ARHGAP31: variants seen among roughly 807,000 people sequenced by gnomAD.
ARHGAP31 encodes the protein rho GTPase-activating protein 31.
In ARHGAP31, 34 loss-of-function variants were observed where a neutral mutation model predicts 113.9. The ratio of observed to expected loss-of-function variants is 0.30; its 90% CI spans 0.23 to 0.40. The LOEUF is 0.40. ARHGAP31 is among the 10% of genes least tolerant of loss of function. The probability of loss-of-function intolerance (pLI) is 1.00; values close to 1 mark genes in which losing one functional copy is unlikely to be tolerated. For missense variants in ARHGAP31, 1,548 were observed against 1,767.1 expected (o/e 0.88, Z 2.22); for synonymous variants, 650 against 684.8 (o/e 0.95, Z 0.79).
At chr3:119,310,314 C>G (rs2079668266) in intron 1 of ARHGAP31, among the ~76,000 whole-genome samples, 1 of 152,218 alleles carries the variant, frequency 6.6e-6, no homozygotes, top group African/African-American at 2.4e-5. Context: ...ATTCTGTGGT[C>G]ACCCAGTGGT....
intron 1 of ARHGAP31, among the ~76,000 whole-genome samples, chr3:119,331,345 T>G (rs1394436878): frequency 2.0e-5 from 3 of 152,214 alleles, no homozygotes; most frequent in African/African-American, 7.2e-5. Context: ...TTCTTCTGTG[T>G]GTATGTAGAG....
At position 119,380,919 on chromosome 3, in the gene ARHGAP31, T is replaced by C; in HGVS notation, c.364T>C (p.Cys122Arg). The C allele has an allele frequency of 1.2e-6, 2 of 1,614,178 alleles. No individual in the cohort carries two copies. The highest frequency in any genetic ancestry group is 8.5e-7 in the Non-Finnish European group (1 of 1,180,000). Residue 122 changes from cysteine to arginine, a missense_variant, in exon 4 of 12, where the codon TGC becomes CGC. Cys to Arg is a radical substitution (Grantham distance 180, BLOSUM62 -3). Transcript: ENST00000264245. ...TTCTCCACAGGAGGCAGTGTCGCATTGCCCTGAAGAAGGCCAACTGGCCCG... is the reference window on the plus strand; with the variant it reads ...TTCTCCACAGGAGGCAGTGTCGCATCGCCCTGAAGAAGGCCAACTGGCCCG... ...YEKFTEAVSH[C>R]PEEGQLARIQ...
At chr3:119,382,460 A>C (rs2080410065) in intron 5 of ARHGAP31, 61 bp downstream of exon 5, 1 of 1,491,366 alleles carries the variant, frequency 6.7e-7, no homozygotes, top group South Asian at 1.2e-5. Flanking sequence ...CCCCGATTGA[A>C]ATGAAGATTG....
chr3:119,338,791 A>G (rs1251506855), intron 1 of ARHGAP31, among the ~76,000 whole-genome samples: 1 of 152,238 alleles, frequency 6.6e-6, no homozygotes, highest in African/African-American at 2.4e-5. Context: ...ACATAAATCC[A>G]TTCTGTAGAG....
rs528877088 is a variant in ARHGAP31, at chr3:119,349,045, C to T, written c.101-16271C>T. Reference sequence around the variant, plus strand: ...TTCAGGATAAAAGCTTGAATATCATCACCCCTTGCTGTTTTAACAAACCAC... The same window carrying T: ...TTCAGGATAAAAGCTTGAATATCATTACCCCTTGCTGTTTTAACAAACCAC... On this transcript the variant is annotated intron_variant, in intron 1 of 11. Transcript: ENST00000264245. Among the ~76,000 whole-genome samples the T allele has an allele frequency of 1.7e-4, 26 of 152,316 alleles. No homozygotes were observed. In the South Asian group the frequency reaches 4.8e-3, roughly 28 times the overall value.
At chr3:119,367,279 G>T (rs1193008207) in intron 2 of ARHGAP31, among the ~76,000 whole-genome samples, 1 of 152,052 alleles carries the variant, frequency 6.6e-6, no homozygotes, top group Non-Finnish European at 1.5e-5. Context: ...GTCACCAGTT[G>T]GATGACTAAG....
chr3:119,341,849 T>C (rs2080011188), intron 1 of ARHGAP31: 1 of 151,902 alleles, frequency 6.6e-6, no homozygotes, highest in Non-Finnish European at 1.5e-5. Context: ...TATGGAACGC[T>C]TCGTGAAATT....
In ARHGAP31 at chr3:119,383,201, T is replaced by C. The variant is rs1269149863; in HGVS notation, c.657T>C (p.Gly219=). The change falls in exon 6 of 12, where the codon GGT becomes GGC. Residue 219 remains glycine, a synonymous_variant. Transcript: ENST00000264245. ...LNHVDQIFNN[G]APGSLENDEN... ...ATGTAGATCAAATCTTTAACAACGG[T>C]GCACCTGGGTCTCTGGAGAATGATG... 6.2e-7 allele frequency: 1 copy of C among 1,614,168 alleles called. No individual in the cohort carries two copies. The highest frequency in any genetic ancestry group is 1.3e-5 in the African/African-American group (1 of 75,032).
At chr3:119,376,809 AAC>A (rs1467066956) in intron 3 of ARHGAP31, among the ~76,000 whole-genome samples, 7 of 151,582 alleles carry the variant, frequency 4.6e-5, no homozygotes, top group Non-Finnish European at 1.0e-4. Context: ...AACACCTTGC[AAC>A]AGGCAAAGTC....
At chr3:119,384,300 T>C (rs1017451819) in intron 6 of ARHGAP31, among the ~76,000 whole-genome samples, 10 of 152,226 alleles carry the variant, frequency 6.6e-5, no homozygotes, top group African/African-American at 2.4e-4. Flanking sequence ...ATTTTAACCA[T>C]GTTAATGTGT....
intron 11 of ARHGAP31, among the ~76,000 whole-genome samples, chr3:119,412,397 A>C (rs192022776): frequency 1.4e-5 from 2 of 146,096 alleles, no homozygotes; most frequent in Non-Finnish European, 3.0e-5. Flanking sequence ...GTCTCAAAAA[A>C]AAAAAAAGAA....
At position 119,414,273 on chromosome 3, in the gene ARHGAP31, C is replaced by A. The variant is rs139659618; in HGVS notation, c.2344C>A (p.Pro782Thr). 3.0e-4 allele frequency: 490 copies of A among 1,614,186 alleles called. No homozygotes were observed. The African/African-American group carries it at 4.3e-3, about 14-fold the overall frequency. ...CCCAGGCAATCTGTCTCCTCCACTCCCACCTGCTCCTCCCCCTCCAACTCC... is the reference window on the plus strand; with the variant it reads ...CCCAGGCAATCTGTCTCCTCCACTCACACCTGCTCCTCCCCCTCCAACTCC... ...GGPGNLSPPL[P>T]PAPPPPTPLE... Residue 782 changes from proline (P) to threonine (T), a missense_variant, in exon 12 of 12, where the codon CCA becomes ACA. Physicochemically the swap from Pro to Thr is conservative, Grantham distance 38. Coordinates refer to ENST00000264245, the MANE Select transcript of ARHGAP31 (RefSeq NM_020754.4).
intron 1 of ARHGAP31, among the ~76,000 whole-genome samples, chr3:119,364,541 T>C (rs1441428641): frequency 2.0e-5 from 3 of 152,206 alleles, no homozygotes; most frequent in Non-Finnish European, 4.4e-5. Flanking sequence ...GGCTCTCTAA[T>C]TTTTGCATGC....
At chr3:119,344,116 C>A (rs2080034188) in intron 1 of ARHGAP31, among the ~76,000 whole-genome samples, 1 of 152,196 alleles carries the variant, frequency 6.6e-6, no homozygotes, top group Non-Finnish European at 1.5e-5. Context: ...ATATTAGACG[C>A]TGGACTAAAA....
intron 11 of ARHGAP31, among the ~76,000 whole-genome samples, chr3:119,410,896 T>C (rs1559997159): frequency 6.6e-6 from 1 of 152,076 alleles, no homozygotes; most frequent in Non-Finnish European, 1.5e-5. Context: ...ATGGAGTGCA[T>C]GGGAGCACAT....
chr3:119,326,776 A>G (rs781587411), intron 1 of ARHGAP31, among the ~76,000 whole-genome samples: 3 of 152,196 alleles, frequency 2.0e-5, no homozygotes, highest in Non-Finnish European at 2.9e-5. Flanking sequence ...TTGCGTTTGT[A>G]TCTGCTATTC....
chr3:119,381,717 G>A (rs1447565638), intron 4 of ARHGAP31, among the ~76,000 whole-genome samples: 1 of 152,216 alleles, frequency 6.6e-6, no homozygotes, highest in Non-Finnish European at 1.5e-5. Context: ...GGCCTGTGTG[G>A]TGGCTCATGC....
chr3:119,372,373 T>G (rs1202075651), intron 3 of ARHGAP31, among the ~76,000 whole-genome samples: 1 of 149,518 alleles, frequency 6.7e-6, no homozygotes. Context: ...AACCTCTGCC[T>G]CCCGGGTTCA....
intron 1 of ARHGAP31, among the ~76,000 whole-genome samples, chr3:119,303,472 A>C (rs2079602496): frequency 6.6e-6 from 1 of 152,152 alleles, no homozygotes; most frequent in Non-Finnish European, 1.5e-5. Context: ...TCTGGGATCG[A>C]GTCTCAGGCA....
Sources: gnomAD v4.1 joint callset for allele counts (sites outside exome capture counted in the v4.1 genomes callset) on GRCh38, gnomAD v4.1.1 for gene constraint, MANE v1.5 for transcripts, NCBI Gene and HGNC (gene_info 2026-07-23, HGNC 2026-07-21) for gene names.